Variants in PNPLA1 observed in about 807,000 individuals in gnomAD.
PNPLA1 encodes omega-hydroxyceramide transacylase.
A neutral mutation model predicts 51.7 loss-of-function variants in PNPLA1; 36 were observed. The ratio of observed to expected loss-of-function variants is 0.70; its 90% CI spans 0.53 to 0.92. The LOEUF is 0.92. Ranked by LOEUF, PNPLA1 falls within the 40% of genes least tolerant of loss-of-function variation. PNPLA1 has a pLI of 0.00. For synonymous variants in PNPLA1, 293 were observed against 280.1 expected (o/e 1.05, Z -0.46); for missense variants, 658 against 682.5 (o/e 0.96, Z 0.40).
At chr6:36,250,418 C>T (rs1381106264) in intron 1 of PNPLA1, among the ~76,000 whole-genome samples, 4 of 152,168 alleles carry the variant, frequency 2.6e-5, no homozygotes, top group Non-Finnish European at 5.9e-5. Context: ...TGCTGGGTGA[C>T]ATTGCTGAGC....
intron 8 of PNPLA1, chr6:36,307,962 G>C: frequency 2.7e-6 from 1 of 368,748 alleles, no homozygotes; most frequent in Non-Finnish European, 4.9e-6. Flanking sequence ...ACTTCATAAA[G>C]TTGTGAGAGT....
intron 1 of PNPLA1, among the ~76,000 whole-genome samples, chr6:36,276,754 G>C (rs866421256): frequency 1.1e-4 from 17 of 149,892 alleles, no homozygotes; most frequent in East Asian, 7.9e-4. Context: ...TCGTTCGTTC[G>C]TTCCTTCCTT....
At chr6:36,246,966 A>G (rs1402633524) in intron 1 of PNPLA1, among the ~76,000 whole-genome samples, 1 of 151,576 alleles carries the variant, frequency 6.6e-6, no homozygotes, top group East Asian at 1.9e-4. Context: ...TGCTTTCCGC[A>G]CTCCCTGCGG....
In PNPLA1 at chr6:36,294,412, A is replaced by C; in HGVS notation, c.714+13A>C. The C allele has an allele frequency of 1.9e-6, 3 of 1,611,840 alleles. No homozygotes were observed. The highest frequency in any genetic ancestry group is 2.5e-6 in the Non-Finnish European group (3 of 1,178,236). Reference sequence around the variant, plus strand: ...CCCGGACCTGGTGGTGAGAGGCAGGAGGGGTCTGGGGAGTAGCAGAAGGTA... The same window carrying C: ...CCCGGACCTGGTGGTGAGAGGCAGGCGGGGTCTGGGGAGTAGCAGAAGGTA... On this transcript the variant is annotated intron_variant, in intron 4 of 8. Transcript: ENST00000636260. This position sits in a 1 kb window ranked among gnomAD's most constrained non-coding sequence, Gnocchi z 4.2.
chr6:36,274,485 G>A (rs78717446), intron 1 of PNPLA1, among the ~76,000 whole-genome samples: 111 of 152,208 alleles, frequency 7.3e-4, no homozygotes, highest in African/African-American at 2.5e-3. Context: ...AAAGGAACCA[G>A]GGCTAGATCT....
intron 1 of PNPLA1, among the ~76,000 whole-genome samples, chr6:36,278,062 A>G (rs1046085450): frequency 6.6e-6 from 1 of 152,030 alleles, no homozygotes; most frequent in Non-Finnish European, 1.5e-5. Flanking sequence ...TCAGAGAGAA[A>G]ACCTCCTCTC....
chr6:36,284,078 T>G (rs1036018564), intron 1 of PNPLA1, among the ~76,000 whole-genome samples: 3 of 152,126 alleles, frequency 2.0e-5, no homozygotes, highest in Admixed American at 6.6e-5. Context: ...TGCAGTGGGA[T>G]GTTGGAGGTT....
At chr6:36,276,734 G>C (rs140558485) in intron 1 of PNPLA1, among the ~76,000 whole-genome samples, 1 of 151,070 alleles carries the variant, frequency 6.6e-6, no homozygotes, top group Non-Finnish European at 1.5e-5. Context: ...CCGTCCCTTC[G>C]TTCCTTTCTT....
At chr6:36,297,239 T>C (rs150675022) in intron 5 of PNPLA1, among the ~76,000 whole-genome samples, 139 of 152,332 alleles carry the variant, frequency 9.1e-4, no homozygotes, top group African/African-American at 3.2e-3. Context: ...CTATTTTTGC[T>C]TCCTCTTCCG....
intron 1 of PNPLA1, among the ~76,000 whole-genome samples, chr6:36,246,968 T>G (rs1470866981): frequency 6.6e-6 from 1 of 152,176 alleles, no homozygotes; most frequent in Admixed American, 6.5e-5. Flanking sequence ...CTTTCCGCAC[T>G]CCCTGCGGAT....
At chr6:36,262,833 C>T (rs1047896857) in intron 1 of PNPLA1, among the ~76,000 whole-genome samples, 146 of 152,284 alleles carry the variant, frequency 9.6e-4, no homozygotes, top group Non-Finnish European at 1.2e-3. Flanking sequence ...TGTGGCTATA[C>T]CATCATTCAT....
At chr6:36,291,579 G>GGGGGC in intron 2 of PNPLA1, 27 bp downstream of exon 2, 4 of 103,658 alleles carry the variant, frequency 3.9e-5, no homozygotes, top group South Asian at 1.1e-4. Context: ...GGGAGGGAGG[G>GGGGGC]ACACGGAGGG....
intron 1 of PNPLA1, among the ~76,000 whole-genome samples, chr6:36,244,738 T>G (rs544708273): frequency 6.6e-6 from 1 of 152,356 alleles, no homozygotes; most frequent in African/African-American, 2.4e-5. Flanking sequence ...TCTTCTATAA[T>G]CTGGCTGCTC....
chr6:36,269,300 G>A (rs1213450106), upstream of PNPLA1, among the ~76,000 whole-genome samples: 2 of 152,140 alleles, frequency 1.3e-5, no homozygotes, highest in Non-Finnish European at 2.9e-5. Flanking sequence ...ATCTCCATGA[G>A]GGGACATTTT....
At chr6:36,270,960 C>T (rs1769899108) in intron 1 of PNPLA1, among the ~76,000 whole-genome samples, 1 of 152,200 alleles carries the variant, frequency 6.6e-6, no homozygotes, top group Non-Finnish European at 1.5e-5. Flanking sequence ...AGGACAGTAT[C>T]TCCCTCGAAC....
At chr6:36,281,489 T>A (rs755644575) in intron 1 of PNPLA1, among the ~76,000 whole-genome samples, 3 of 152,168 alleles carry the variant, frequency 2.0e-5, no homozygotes, top group Non-Finnish European at 4.4e-5. Context: ...TCTAATCCCC[T>A]CACAACCCTA....
chr6:36,248,778 C>G (rs1769359745), intron 1 of PNPLA1, among the ~76,000 whole-genome samples: 1 of 152,196 alleles, frequency 6.6e-6, no homozygotes. Flanking sequence ...GTCAGCCTCC[C>G]AAAGTGCTGA....
At chr6:36,249,460 T>C (rs970273304) in intron 1 of PNPLA1, among the ~76,000 whole-genome samples, 1 of 152,240 alleles carries the variant, frequency 6.6e-6, no homozygotes, top group African/African-American at 2.4e-5. Flanking sequence ...TTTGTCTTTT[T>C]AAAGATGAGT....
chr6:36,261,440 C>T (rs935579950), intron 1 of PNPLA1, among the ~76,000 whole-genome samples: 1 of 152,218 alleles, frequency 6.6e-6, no homozygotes, highest in African/African-American at 2.4e-5. Flanking sequence ...TCTGGGCTCC[C>T]ACATGAGGAA....
Sources: gnomAD v4.1 joint callset for allele counts (sites outside exome capture counted in the v4.1 genomes callset) on GRCh38, gnomAD v4.1.1 for gene constraint, Gnocchi (gnomAD v3.1) non-coding constraint, MANE v1.5 for transcripts, NCBI Gene and HGNC (gene_info 2026-07-23, HGNC 2026-07-21) for gene names.